CEACAM5: variants seen among roughly 807,000 people sequenced by gnomAD.
The protein encoded by CEACAM5 is CEA cell adhesion molecule 5.
In CEACAM5, 52 loss-of-function variants were observed where a neutral mutation model predicts 63.0. The ratio of observed to expected loss-of-function variants is 0.83; its 90% CI spans 0.66 to 1.04. CEACAM5 has a LOEUF of 1.04. Among genes scored for constraint, CEACAM5 ranks in the 50% least tolerant of loss-of-function variants. The pLI is 0.00. For synonymous variants in CEACAM5, 357 were observed against 351.3 expected, an observed-to-expected ratio of 1.02 and a Z score of -0.18; for missense variants, 790 against 864.8, an observed-to-expected ratio of 0.91 and a Z score of 1.08.
chr19:41,714,357 A>G (rs1555814522), intron 2 of CEACAM5, among the ~76,000 whole-genome samples: 5 of 152,164 alleles, frequency 3.3e-5, no homozygotes, highest in Non-Finnish European at 7.3e-5. Context: ...GTCATCATCA[A>G]ACACCTGGGA....
At chr19:41,717,794 C>A in intron 5 of CEACAM5, 61 bp downstream of exon 5, 1 of 1,582,062 alleles carries the variant, frequency 6.3e-7, no homozygotes, top group South Asian at 1.2e-5. Flanking sequence ...TAGCCAAAGT[C>A]CAGGCCTCTC....
intron 2 of CEACAM5, among the ~76,000 whole-genome samples, chr19:41,712,310 C>T (rs2072449080): frequency 6.6e-6 from 1 of 152,204 alleles, no homozygotes; most frequent in South Asian, 2.1e-4. Flanking sequence ...CATGATGATG[C>T]CATTGTCATA....
intron 4 of CEACAM5, among the ~76,000 whole-genome samples, chr19:41,716,464 G>C (rs2072528629): frequency 6.6e-6 from 1 of 152,236 alleles, no homozygotes; most frequent in South Asian, 2.1e-4. Context: ...CGGGTGGTCT[G>C]TCCTGAATTC....
rs1244727249 is a variant in CEACAM5 at position 41,710,205 on chromosome 19, T to C, written c.424+166T>C. 5 of 1,075,956 alleles carry C rather than the reference T, an allele frequency of 4.6e-6. No individual in the cohort carries two copies. In the African/African-American group the frequency reaches 6.3e-5, roughly 14 times the overall value. 66.7% of individuals were successfully genotyped at this position (1,075,956 alleles called of 1,614,324 possible). ...CACAGAAGAGACAAACTTCAACAGA[T>C]CAGAATTCCTTTCCGGCATCCAGAC... On this transcript the variant is annotated intron_variant, in intron 2 of 9. Coordinates refer to ENST00000221992, the MANE Select transcript of CEACAM5 (RefSeq NM_004363.6).
chr19:41,712,094 A>T (rs1360917809), intron 2 of CEACAM5, among the ~76,000 whole-genome samples: 3 of 152,024 alleles, frequency 2.0e-5, no homozygotes, highest in African/African-American at 7.2e-5. Flanking sequence ...CCCTACACTG[A>T]CTCACCAGGG....
intron 8 of CEACAM5, among the ~76,000 whole-genome samples, chr19:41,725,048 GC>G (rs149719281): frequency 0.014 from 2,119 of 152,300 alleles, 48 homozygotes; most frequent in African/African-American, 0.047. Flanking sequence ...TACAGGGAAA[GC>G]TTTCAGTCTT....
chr19:41,710,506 T>C (rs1472808627), intron 2 of CEACAM5, among the ~76,000 whole-genome samples: 2 of 152,194 alleles, frequency 1.3e-5, no homozygotes, highest in African/African-American at 4.8e-5. Context: ...ACTTAGCAGC[T>C]GTCCAAGGGC....
At position 41,715,173 on chromosome 19, in the gene CEACAM5, C is replaced by CGCA. The variant is rs2072500383; in HGVS notation, c.627_628insGCA (p.Asp209_Thr210insAla). The CGCA allele has an allele frequency of 6.2e-7, 1 of 1,614,114 alleles. No homozygotes were observed. Among genetic ancestry groups the CGCA allele is most frequent in the African/African-American group, 1.3e-5 (1 of 74,936 alleles). On this transcript the variant is annotated inframe_insertion, in exon 3 of 10. Coordinates refer to ENST00000221992, the MANE Select transcript of CEACAM5 (RefSeq NM_004363.6). Reference sequence around the variant, plus strand: ...CTCTATTCAATGTCACAAGAAATGACACAGCAAGCTACAAATGTGAAACCC... The same window carrying CGCA: ...CTCTATTCAATGTCACAAGAAATGACGCAACAGCAAGCTACAAATGTGAAACCC...
rs781988963 is a variant in CEACAM5 at position 41,709,979 on chromosome 19, C to T, written c.364C>T (p.Leu122=). ...IIQNDTGFYT[L]HVIKSDLVNE... Reference sequence around the variant, plus strand: ...CCAGAATGACACAGGATTCTACACCCTACACGTCATAAAGTCAGATCTTGT... The same window carrying T: ...CCAGAATGACACAGGATTCTACACCTTACACGTCATAAAGTCAGATCTTGT... Residue 122 remains leucine (L), a synonymous_variant, in exon 2 of 10, where the codon CTA becomes TTA. Coordinates refer to ENST00000221992, the MANE Select transcript of CEACAM5 (RefSeq NM_004363.6). The T allele has an allele frequency of 3.0e-5, 49 of 1,613,182 alleles. No individual in the cohort carries two copies. The Middle Eastern group carries it at 4.9e-4, about 16-fold the overall frequency.
At chr19:41,709,299 G>A (rs1447675479) in intron 1 of CEACAM5, among the ~76,000 whole-genome samples, 4 of 152,196 alleles carry the variant, frequency 2.6e-5, no homozygotes, top group Admixed American at 2.6e-4. Context: ...GTGAGGTCAG[G>A]TGTTGACAAG....
rs1555815855 is a variant in CEACAM5 at position 41,720,083 on chromosome 19, T to C, written c.1646T>C (p.Leu549Pro). ...CTCCCAGTCAGTCCCAGGCTGCAGC[T>C]GTCCAATGGCAACAGGACCCTCACT... ...QSLPVSPRLQLSNGNRTLTLF... is the reference protein window; with the variant it reads ...QSLPVSPRLQPSNGNRTLTLF... The change falls in exon 7 of 10, where the codon CTG becomes CCG. Residue 549 changes from leucine (L) to proline (P), a missense_variant. Physicochemically the swap from Leu to Pro is moderately conservative, Grantham distance 98 (BLOSUM62 -3). Coordinates refer to ENST00000221992, the MANE Select transcript of CEACAM5 (RefSeq NM_004363.6). The C allele has an allele frequency of 1.1e-5, 17 of 1,614,228 alleles. No homozygotes were observed. Among genetic ancestry groups the C allele is most frequent in the Non-Finnish European group, 1.4e-5 (16 of 1,180,044 alleles).
At chr19:41,721,751 C>A (rs2072625766) in intron 8 of CEACAM5, among the ~76,000 whole-genome samples, 1 of 152,220 alleles carries the variant, frequency 6.6e-6, no homozygotes, top group African/African-American at 2.4e-5. Flanking sequence ...TGTTTTGAAT[C>A]TGGGTAAATC....
At position 41,718,442 on chromosome 19, in the gene CEACAM5, GA is replaced by G; in HGVS notation, c.1492+64del. The stretch of plus-strand genomic sequence containing the variant: ...TGGAGCGGAATCTGTCTGGTTTTCA[GA>G]AAAGAGCCAGGAAGAAATTTTCTTT... On this transcript the variant is annotated intron_variant, in intron 6 of 9. Transcript: ENST00000221992. 3 of 1,578,702 alleles carry G rather than the reference GA, an allele frequency of 1.9e-6. No individual in the cohort carries two copies. The South Asian group carries it at 3.5e-5, about 18-fold the overall frequency.
rs191292947 is a variant in CEACAM5, at chr19:41,721,387, T to C, written c.2026+211T>C. Among the ~76,000 whole-genome samples the C allele has an allele frequency of 6.5e-3, 986 of 152,368 alleles. 13 individuals carry two copies. The highest frequency in any genetic ancestry group is 0.023 in the African/African-American group (937 of 41,584). ...CTCACGGCTGACCTCGGGTCCAGCC[T>C]GGAATGTGGGGAGGGGCCTCCCTTA... is the stretch of plus-strand genomic sequence containing the variant. On this transcript the variant is annotated intron_variant, in intron 8 of 9. Transcript: ENST00000221992.
At position 41,720,274 on chromosome 19, in the gene CEACAM5, A is replaced by C. The variant is rs58374389; in HGVS notation, c.1771+66A>C. On this transcript the variant is annotated intron_variant, in intron 7 of 9. Transcript: ENST00000221992. ...CAAATCCACACAGCCAGAGGCCAGGACTCTCAGTTCTCCTCAGGTCCAAAG... is the reference window on the plus strand; with the variant it reads ...CAAATCCACACAGCCAGAGGCCAGGCCTCTCAGTTCTCCTCAGGTCCAAAG... The C allele has an allele frequency of 6.7e-3, 10,397 of 1,552,626 alleles. 540 individuals are homozygous for C. In the African/African-American group the frequency reaches 0.12, roughly 18 times the overall value.
At position 41,709,696 on chromosome 19, in the gene CEACAM5, C is replaced by T. The variant is rs1555813595; in HGVS notation, c.81C>T (p.Phe27=). The change falls in exon 2 of 10, where the codon TTC becomes TTT. Residue 27 remains phenylalanine (F), a synonymous_variant. Transcript: ENST00000221992. The stretch of plus-strand genomic sequence containing the variant: ...CTCTCCTAGCCTCACTTCTAACCTT[C>T]TGGAACCCGCCCACCACTGCCAAGC... The part of the protein sequence containing the change: ...RLLLTASLLT[F]WNPPTTAKLT... The T allele has an allele frequency of 6.2e-7, 1 of 1,613,878 alleles. No homozygotes were observed. Among genetic ancestry groups the T allele is most frequent in the East Asian group, 2.2e-5 (1 of 44,880 alleles).
chr19:41,725,352 ATTTTCTTTTTTT>A (rs781991622), intron 8 of CEACAM5, among the ~76,000 whole-genome samples: 3 of 137,964 alleles, frequency 2.2e-5, no homozygotes, highest in South Asian at 4.5e-4. Context: ...CAATATCTCC[ATTTTCTTTTTTT>A]TTTTCTTTTT....
intron 8 of CEACAM5, among the ~76,000 whole-genome samples, 161 bp downstream of exon 8, chr19:41,721,337 C>G (rs186801481): frequency 1.3e-5 from 2 of 152,372 alleles, no homozygotes; most frequent in African/African-American, 4.8e-5. Flanking sequence ...TCGGCCAACT[C>G]TCTCCTCCCC....
At chr19:41,722,813 T>A (rs541480244) in intron 8 of CEACAM5, among the ~76,000 whole-genome samples, 1 of 152,244 alleles carries the variant, frequency 6.6e-6, no homozygotes, top group South Asian at 2.1e-4. Flanking sequence ...TGTACAAATA[T>A]CTGTTCAAAT....
Sources: allele counts gnomAD v4.1 joint callset (sites outside exome capture counted in the v4.1 genomes callset), GRCh38; gene constraint gnomAD v4.1.1; transcripts MANE v1.5; gene names NCBI Gene and HGNC (gene_info 2026-07-23, HGNC 2026-07-21).